SCHIP1: variants seen among roughly 807,000 people sequenced by gnomAD.
The protein encoded by SCHIP1 is schwannomin interacting protein 1, also known as schwannomin-interacting protein 1.
In SCHIP1, 8 loss-of-function variants were observed where a neutral mutation model predicts 29.7. The ratio of observed to expected loss-of-function variants is 0.27; its 90% confidence interval spans 0.16 to 0.49. The LOEUF (loss-of-function observed/expected upper bound fraction) is 0.49. Ranked by LOEUF, SCHIP1 falls within the 20% of genes least tolerant of loss-of-function variation. The probability of loss-of-function intolerance (pLI) is 0.99; values close to 1 mark genes in which losing one functional copy is unlikely to be tolerated. For missense variants in SCHIP1, 193 were observed against 294.6 expected (o/e 0.66, Z 2.52); for synonymous variants, 76 against 94.9 (o/e 0.80, Z 1.16).
At chr3:159,823,697 T>C in the SCHIP1 span, among the ~76,000 whole-genome samples, 1 of 152,344 alleles carries the variant, frequency 6.6e-6, no homozygotes, top group African/African-American at 2.4e-5. Context: ...TATGTAATTC[T>C]CGACATAAAT....
At chr3:159,398,396 G>T in the SCHIP1 span, among the ~76,000 whole-genome samples, 1 of 152,172 alleles carries the variant, frequency 6.6e-6, no homozygotes, top group Non-Finnish European at 1.5e-5. Context: ...ACAGCAGGTT[G>T]GCAAAGGACT....
chr3:159,540,506 G>A, the SCHIP1 span, among the ~76,000 whole-genome samples: 1 of 152,036 alleles, frequency 6.6e-6, no homozygotes, highest in Non-Finnish European at 1.5e-5. Flanking sequence ...CTGCCTCCAA[G>A]GGAAGGCACT....
At chr3:159,503,711 C>T in the SCHIP1 span, among the ~76,000 whole-genome samples, 1 of 152,236 alleles carries the variant, frequency 6.6e-6, no homozygotes, top group East Asian at 1.9e-4. Flanking sequence ...GACCAAATGA[C>T]ACCAATTATA....
At chr3:159,540,329 T>TTAA in the SCHIP1 span, among the ~76,000 whole-genome samples, 322 of 152,258 alleles carry the variant, frequency 2.1e-3, no homozygotes, top group Middle Eastern at 0.01. Context: ...TAGGAAGGGC[T>TTAA]ATTTAGTGCA....
At chr3:159,702,040 G>C in the SCHIP1 span, among the ~76,000 whole-genome samples, 1 of 152,156 alleles carries the variant, frequency 6.6e-6, no homozygotes, top group Non-Finnish European at 1.5e-5. Context: ...TGGGGTATAG[G>C]TTGGGGCATT....
At chr3:159,298,778 G>A in the SCHIP1 span, among the ~76,000 whole-genome samples, 1 of 152,176 alleles carries the variant, frequency 6.6e-6, no homozygotes, top group East Asian at 1.9e-4. Flanking sequence ...AAATAGTAAA[G>A]GGGACTGAAA....
chr3:159,364,080 T>C, the SCHIP1 span, among the ~76,000 whole-genome samples: 1 of 152,200 alleles, frequency 6.6e-6, no homozygotes, highest in Non-Finnish European at 1.5e-5. Flanking sequence ...AATAGTAAAA[T>C]ACAGATTTTG....
At chr3:159,486,853 G>T in the SCHIP1 span, among the ~76,000 whole-genome samples, 1 of 152,172 alleles carries the variant, frequency 6.6e-6, no homozygotes, top group South Asian at 2.1e-4. Flanking sequence ...TATCTCACAG[G>T]CCAGATCTAG....
chr3:159,867,778 C>T (rs1037329760), intron 2 of SCHIP1, among the ~76,000 whole-genome samples: 1 of 152,024 alleles, frequency 6.6e-6, no homozygotes, highest in Non-Finnish European at 1.5e-5. Context: ...TAACAATTTA[C>T]TTAGTTTTAC....
At chr3:159,744,996 A>G in the SCHIP1 span, among the ~76,000 whole-genome samples, 8 of 151,382 alleles carry the variant, frequency 5.3e-5, no homozygotes, top group Non-Finnish European at 1.2e-4. Context: ...AAAAAAAAGA[A>G]GAAGAAGAAG....
chr3:159,515,729 T>C, the SCHIP1 span, among the ~76,000 whole-genome samples: 2 of 152,148 alleles, frequency 1.3e-5, no homozygotes, highest in African/African-American at 4.8e-5. Flanking sequence ...CTCATAAAGC[T>C]CTTGGGTTTT....
chr3:159,559,635 A>G, the SCHIP1 span, among the ~76,000 whole-genome samples: 5 of 152,180 alleles, frequency 3.3e-5, no homozygotes, highest in African/African-American at 1.2e-4. Flanking sequence ...GAAATACATA[A>G]TCAGTGTGAT....
chr3:159,284,336 C>A, the SCHIP1 span, among the ~76,000 whole-genome samples: 2 of 152,066 alleles, frequency 1.3e-5, no homozygotes, highest in African/African-American at 2.4e-5. Flanking sequence ...TTTAAAATTT[C>A]TCTCTGCATA....
the SCHIP1 span, among the ~76,000 whole-genome samples, chr3:159,701,446 G>A: frequency 6.6e-6 from 1 of 152,138 alleles, no homozygotes; most frequent in African/African-American, 2.4e-5. Context: ...CAAAGAAATA[G>A]GTACTTTTAA....
At chr3:159,824,411 G>A in the SCHIP1 span, among the ~76,000 whole-genome samples, 8 of 152,146 alleles carry the variant, frequency 5.3e-5, no homozygotes, top group South Asian at 8.3e-4. Context: ...AGACTGGATC[G>A]TCATTTGTCA....
chr3:159,541,325 C>T, the SCHIP1 span, among the ~76,000 whole-genome samples: 938 of 152,154 alleles, frequency 6.2e-3, 6 homozygotes, highest in African/African-American at 0.021. Flanking sequence ...GAGCAGATGG[C>T]TACAGGGGCA....
chr3:159,499,346 T>A, the SCHIP1 span, among the ~76,000 whole-genome samples: 1 of 152,226 alleles, frequency 6.6e-6, no homozygotes, highest in African/African-American at 2.4e-5. Context: ...TGGCCATTTC[T>A]ACTGCCTTTA....
At chr3:159,556,962 A>AAAT in the SCHIP1 span, among the ~76,000 whole-genome samples, 97 of 146,192 alleles carry the variant, frequency 6.6e-4, 1 homozygote, top group South Asian at 8.3e-3. Context: ...AAAAAAAAAG[A>AAAT]TTTTTTTTTT....
the SCHIP1 span, among the ~76,000 whole-genome samples, chr3:159,474,287 C>T: frequency 1.3e-5 from 2 of 152,050 alleles, no homozygotes; most frequent in Non-Finnish European, 1.5e-5. Context: ...TGTCAAACCA[C>T]GAACATATTA....
Sources: allele counts gnomAD v4.1 joint callset (sites outside exome capture counted in the v4.1 genomes callset), GRCh38; gene constraint gnomAD v4.1.1; transcripts MANE v1.5; gene names NCBI Gene and HGNC (gene_info 2026-07-23, HGNC 2026-07-21).